The following KHDRBS3 variants were observed in gnomAD, a reference collection of about 807,000 sequenced individuals.
KHDRBS3 encodes KH RNA binding domain containing, signal transduction associated 3, also known as KH domain-containing, RNA-binding, signal transduction-associated protein 3.
In KHDRBS3, 23 loss-of-function variants were observed where a neutral mutation model predicts 45.6. The ratio of observed to expected loss-of-function variants is 0.50; its 90% CI spans 0.36 to 0.72. The LOEUF is 0.72. Ranked by LOEUF, KHDRBS3 falls within the 30% of genes least tolerant of loss-of-function variation. The pLI is 0.00. For missense variants in KHDRBS3, 352 were observed against 424.8 expected, an observed-to-expected ratio of 0.83 and a Z score of 1.51; for synonymous variants, 162 against 156.5, an observed-to-expected ratio of 1.04 and a Z score of -0.26.
chr8:135,594,024 A>G (rs1319459378), intron 6 of KHDRBS3, among the ~76,000 whole-genome samples: 4 of 152,164 alleles, frequency 2.6e-5, no homozygotes, highest in Non-Finnish European at 5.9e-5. Context: ...CACAGGGAGG[A>G]TCTTAGTGTG....
At chr8:135,473,504 G>A (rs367730910) in intron 1 of KHDRBS3, among the ~76,000 whole-genome samples, 1 of 152,092 alleles carries the variant, frequency 6.6e-6, no homozygotes, top group Non-Finnish European at 1.5e-5. Flanking sequence ...TGTGTGGAGT[G>A]CAGAGACAAC....
chr8:135,497,509 A>G (rs570387076), intron 1 of KHDRBS3, among the ~76,000 whole-genome samples: 8 of 152,346 alleles, frequency 5.3e-5, no homozygotes, highest in African/African-American at 1.9e-4. Flanking sequence ...CATCACAAGC[A>G]TCTCTTGTGG....
At chr8:135,634,886 C>T (rs1057113178) in intron 7 of KHDRBS3, among the ~76,000 whole-genome samples, 2 of 152,140 alleles carry the variant, frequency 1.3e-5, no homozygotes, top group Non-Finnish European at 2.9e-5. Flanking sequence ...TTCAGGCAAG[C>T]GTAATGCTCA....
intron 3 of KHDRBS3, among the ~76,000 whole-genome samples, chr8:135,544,055 A>C (rs909667153): frequency 6.6e-6 from 1 of 152,172 alleles, no homozygotes; most frequent in Non-Finnish European, 1.5e-5. Context: ...AGAAAATGAA[A>C]ACATATATTT....
At chr8:135,479,437 T>C (rs1029160446) in intron 1 of KHDRBS3, among the ~76,000 whole-genome samples, 1 of 152,246 alleles carries the variant, frequency 6.6e-6, no homozygotes, top group African/African-American at 2.4e-5. Flanking sequence ...TGCTTCTGTC[T>C]TAGTCCTTTG....
At chr8:135,481,287 T>A (rs1452672515) in intron 1 of KHDRBS3, among the ~76,000 whole-genome samples, 3 of 148,306 alleles carry the variant, frequency 2.0e-5, no homozygotes, top group African/African-American at 5.0e-5. Context: ...TTTTTTTTTT[T>A]AATCACAGGT....
intron 1 of KHDRBS3, among the ~76,000 whole-genome samples, chr8:135,514,987 T>C (rs1478003838): frequency 2.6e-5 from 4 of 152,186 alleles, no homozygotes; most frequent in Non-Finnish European, 5.9e-5. Context: ...TCATTATTTT[T>C]CAATATTTTG....
At chr8:135,504,543 C>T (rs1823893864) in intron 1 of KHDRBS3, among the ~76,000 whole-genome samples, 1 of 152,132 alleles carries the variant, frequency 6.6e-6, no homozygotes, top group Admixed American at 6.5e-5. Flanking sequence ...TTCTGGTATT[C>T]ACAACAGAGT....
chr8:135,490,851 G>T (rs1402873216), intron 1 of KHDRBS3, among the ~76,000 whole-genome samples: 2 of 152,170 alleles, frequency 1.3e-5, no homozygotes, highest in Admixed American at 1.3e-4. Context: ...CTGGCCAAAT[G>T]AACCTGCTCT....
At chr8:135,505,223 G>C (rs1444010507) in intron 1 of KHDRBS3, among the ~76,000 whole-genome samples, 1 of 152,194 alleles carries the variant, frequency 6.6e-6, no homozygotes, top group Non-Finnish European at 1.5e-5. Flanking sequence ...CTAAGAGTTG[G>C]AGATGGGTCA....
chr8:135,544,137 T>C (rs1298883145), intron 3 of KHDRBS3, among the ~76,000 whole-genome samples: 1 of 152,206 alleles, frequency 6.6e-6, no homozygotes, highest in Non-Finnish European at 1.5e-5. Flanking sequence ...TAGTTCACGC[T>C]CTAATAAGGC....
At chr8:135,519,776 A>C (rs1055804132) in intron 1 of KHDRBS3, among the ~76,000 whole-genome samples, 3 of 152,220 alleles carry the variant, frequency 2.0e-5, no homozygotes, top group Non-Finnish European at 4.4e-5. Flanking sequence ...TGCTCATTCA[A>C]AACCTTTGTT....
chr8:135,624,995 G>A (rs946323128), intron 7 of KHDRBS3, among the ~76,000 whole-genome samples: 1 of 152,104 alleles, frequency 6.6e-6, no homozygotes, highest in Admixed American at 6.6e-5. Context: ...TCTGCTACAA[G>A]GTAAAAGCTC....
chr8:135,574,301 T>A (rs1827852763), intron 5 of KHDRBS3, among the ~76,000 whole-genome samples: 1 of 152,208 alleles, frequency 6.6e-6, no homozygotes, highest in Non-Finnish European at 1.5e-5. Flanking sequence ...ATGCTATTGC[T>A]GCTTAATACC....
chr8:135,538,735 A>G (rs369451551), intron 2 of KHDRBS3: 14 of 152,204 alleles, frequency 9.2e-5, no homozygotes, highest in Admixed American at 4.6e-4. Context: ...ACCCCTTCAG[A>G]ACCCATAGCA....
intron 2 of KHDRBS3, among the ~76,000 whole-genome samples, chr8:135,529,061 C>A (rs1825335494): frequency 1.3e-5 from 2 of 152,166 alleles, no homozygotes; most frequent in South Asian, 4.1e-4. Flanking sequence ...CTATGAGTCA[C>A]TCCTAGTATT....
intron 2 of KHDRBS3, among the ~76,000 whole-genome samples, chr8:135,524,306 C>T (rs1387281035): frequency 6.6e-6 from 1 of 152,142 alleles, no homozygotes; most frequent in African/African-American, 2.4e-5. Flanking sequence ...CCAGCCTGAC[C>T]TGTACATTTT....
At chr8:135,490,822 G>A (rs924959255) in intron 1 of KHDRBS3, among the ~76,000 whole-genome samples, 3 of 152,164 alleles carry the variant, frequency 2.0e-5, no homozygotes, top group African/African-American at 7.2e-5. Flanking sequence ...TCAGTGGGCA[G>A]CATGCTGATA....
chr8:135,542,530 C>A, intron 2 of KHDRBS3, 124 bp from the exon 3 acceptor site: 1 of 653,852 alleles, frequency 1.5e-6, no homozygotes. Context: ...ATGCATGTAG[C>A]AGGAGCTTAA....
Sources: gnomAD v4.1 joint callset for allele counts (sites outside exome capture counted in the v4.1 genomes callset) on GRCh38, gnomAD v4.1.1 for gene constraint, MANE v1.5 for transcripts, NCBI Gene and HGNC (gene_info 2026-07-23, HGNC 2026-07-21) for gene names.